The following LRRTM4 variants were observed in gnomAD, a reference collection of about 807,000 sequenced individuals.
LRRTM4 encodes leucine-rich repeat transmembrane neuronal protein 4.
LRRTM4 carries 25 observed loss-of-function variants against 47.6 expected under a neutral mutation model. The observed-to-expected ratio is 0.53, with a 90% CI of 0.38 to 0.73. The LOEUF is 0.73. LRRTM4 is among the 30% of genes least tolerant of loss of function. The pLI is 0.00. For missense variants in LRRTM4, 638 were observed against 713.4 expected (o/e 0.89, Z 1.20); for synonymous variants, 311 against 269.5 (o/e 1.15, Z -1.51).
chr2:77,436,124 C>A (rs779810401), intron 3 of LRRTM4, among the ~76,000 whole-genome samples: 2 of 152,006 alleles, frequency 1.3e-5, no homozygotes, highest in African/African-American at 4.8e-5. Context: ...ATATTAAAAG[C>A]GGTACCAAAA....
rs1250150365 is a variant in LRRTM4, at chr2:77,519,683, C to T, written c.186G>A (p.Gly62=). The T allele has an allele frequency of 6.2e-7, 1 of 1,613,236 alleles. No homozygotes were observed. Among genetic ancestry groups the T allele is most frequent in the Non-Finnish European group, 8.5e-7 (1 of 1,179,594 alleles). The change falls in exon 3 of 4, where the codon GGG becomes GGA. Residue 62 remains glycine, a synonymous_variant. Transcript: ENST00000409884. This position sits in a 1 kb window ranked among gnomAD's most constrained non-coding sequence, Gnocchi z 4.6. ...TGAACCTTAATGATAAGCCTTGTGA[C>T]CCTCCAGAAATGTTCTCAGGGATAT... ...FADIPENISG[G]SQGLSLRFNS...
intron 3 of LRRTM4, among the ~76,000 whole-genome samples, chr2:77,433,016 T>C (rs1044803469): frequency 2.0e-5 from 3 of 152,212 alleles, no homozygotes; most frequent in African/African-American, 4.8e-5. Context: ...TGAGTGAGCA[T>C]TGTGTCTTTC....
intron 3 of LRRTM4, among the ~76,000 whole-genome samples, chr2:77,145,577 GC>G (rs2103772088): frequency 6.6e-6 from 1 of 151,162 alleles, no homozygotes; most frequent in African/African-American, 2.4e-5. Flanking sequence ...GACCATCCTG[GC>G]TAACATGGTG....
At chr2:77,037,004 C>T (rs753437759) in intron 3 of LRRTM4, among the ~76,000 whole-genome samples, 3 of 151,588 alleles carry the variant, frequency 2.0e-5, no homozygotes, top group Admixed American at 6.6e-5. Context: ...GCTAGGGATT[C>T]GTCTACCAAT....
At chr2:77,185,823 T>A (rs1166246530) in intron 3 of LRRTM4, among the ~76,000 whole-genome samples, 1 of 152,158 alleles carries the variant, frequency 6.6e-6, no homozygotes, top group Non-Finnish European at 1.5e-5. Flanking sequence ...TTTGAATTAC[T>A]GTTCAGTCAT....
chr2:77,487,561 G>A (rs971347335), intron 3 of LRRTM4, among the ~76,000 whole-genome samples: 4 of 152,136 alleles, frequency 2.6e-5, no homozygotes, highest in Non-Finnish European at 4.4e-5. Context: ...TCGGCATGAA[G>A]AGCCTGGGTG....
intron 3 of LRRTM4, among the ~76,000 whole-genome samples, chr2:76,765,269 T>C (rs1476472683): frequency 6.6e-6 from 1 of 152,192 alleles, no homozygotes; most frequent in African/African-American, 2.4e-5. Flanking sequence ...AAATTTTGCA[T>C]CAGGATGAAC....
At chr2:77,500,338 T>C (rs1170520735) in intron 3 of LRRTM4, among the ~76,000 whole-genome samples, 1 of 151,484 alleles carries the variant, frequency 6.6e-6, no homozygotes, top group African/African-American at 2.4e-5. Context: ...CAGGGAATAA[T>C]GGGAAAAAAT....
At chr2:76,983,510 C>G (rs1208063025) in intron 3 of LRRTM4, among the ~76,000 whole-genome samples, 1 of 152,036 alleles carries the variant, frequency 6.6e-6, no homozygotes, top group South Asian at 2.1e-4. Context: ...CCATGTAAGA[C>G]ATGCCTTTGC....
intron 3 of LRRTM4, among the ~76,000 whole-genome samples, chr2:77,136,501 G>A (rs970891102): frequency 1.3e-5 from 2 of 152,034 alleles, no homozygotes; most frequent in Non-Finnish European, 2.9e-5. Flanking sequence ...AAAGACCAAA[G>A]GTAGTAAAAC....
chr2:76,873,959 C>CA (rs955436694), intron 3 of LRRTM4, among the ~76,000 whole-genome samples: 2 of 151,898 alleles, frequency 1.3e-5, no homozygotes, highest in African/African-American at 4.8e-5. Flanking sequence ...AATATCAAAT[C>CA]ATATTTATTG....
chr2:77,036,103 G>A (rs1678827266), intron 3 of LRRTM4, among the ~76,000 whole-genome samples: 1 of 151,770 alleles, frequency 6.6e-6, no homozygotes, highest in Non-Finnish European at 1.5e-5. Context: ...TGCATGAGTA[G>A]TAATGGTTTA....
chr2:77,387,897 C>T (rs1198209642), intron 3 of LRRTM4, among the ~76,000 whole-genome samples: 2 of 152,040 alleles, frequency 1.3e-5, no homozygotes, highest in Non-Finnish European at 2.9e-5. Context: ...ATTTTTATTA[C>T]ATTCCACTTC....
At chr2:76,777,689 A>G (rs1170774474) in intron 3 of LRRTM4, among the ~76,000 whole-genome samples, 1 of 150,932 alleles carries the variant, frequency 6.6e-6, no homozygotes, top group East Asian at 2.0e-4. Context: ...TAGATATACA[A>G]TCATGTCGTC....
At chr2:77,470,951 T>C (rs1000981890) in intron 3 of LRRTM4, among the ~76,000 whole-genome samples, 2 of 152,118 alleles carry the variant, frequency 1.3e-5, no homozygotes, top group African/African-American at 4.8e-5. Flanking sequence ...TATTAGGACC[T>C]CTTCTCTCTC....
chr2:77,392,305 G>C (rs1673534932), intron 3 of LRRTM4, among the ~76,000 whole-genome samples: 1 of 149,790 alleles, frequency 6.7e-6, no homozygotes, highest in Non-Finnish European at 1.5e-5. Flanking sequence ...ATCCCACTTT[G>C]AGATTTCCCA....
At chr2:77,122,513 T>C (rs980100262) in intron 3 of LRRTM4, among the ~76,000 whole-genome samples, 2 of 150,178 alleles carry the variant, frequency 1.3e-5, no homozygotes, top group Non-Finnish European at 1.5e-5. Context: ...CACACACATA[T>C]ATATAATATA....
intron 3 of LRRTM4, among the ~76,000 whole-genome samples, chr2:77,506,479 C>T (rs1366061485): frequency 6.6e-6 from 1 of 151,264 alleles, no homozygotes; most frequent in Non-Finnish European, 1.5e-5. Context: ...AATCCAGTAA[C>T]ACAAAATGTG....
chr2:77,101,681 G>C (rs934786854), intron 3 of LRRTM4, among the ~76,000 whole-genome samples: 1 of 152,024 alleles, frequency 6.6e-6, no homozygotes, highest in African/African-American at 2.4e-5. Context: ...TTACTCAAAA[G>C]AAAATTTCCA....
Sources: gnomAD v4.1 joint callset for allele counts (sites outside exome capture counted in the v4.1 genomes callset) on GRCh38, gnomAD v4.1.1 for gene constraint, Gnocchi (gnomAD v3.1) non-coding constraint, MANE v1.5 for transcripts, NCBI Gene and HGNC (gene_info 2026-07-23, HGNC 2026-07-21) for gene names.